PLAAT5: variants seen among roughly 807,000 people sequenced by gnomAD.
PLAAT5 encodes Ca(2+)-independent N-acyltransferase.
In PLAAT5, 27 loss-of-function variants were observed where a neutral mutation model predicts 27.8. That is an observed-to-expected ratio of 0.97 (90% CI 0.72 to 1.34). The LOEUF (loss-of-function observed/expected upper bound fraction) is 1.34, where lower values mean the gene tolerates loss of function less well. PLAAT5 is among the 40% of genes most tolerant of loss of function. The pLI is 0.00. For missense variants in PLAAT5, 368 were observed against 343.8 expected (o/e 1.07, Z -0.56); for synonymous variants, 125 against 136.1 (o/e 0.92, Z 0.57).
chr11:63,465,970 A>C (rs2015849984), intron 5 of PLAAT5, 140 bp downstream of exon 5: 1 of 893,430 alleles, frequency 1.1e-6, no homozygotes, highest in African/African-American at 1.7e-5. Flanking sequence ...CTGAACCATA[A>C]AGTCCTGCAG....
rs780611461 is a variant in PLAAT5, at chr11:63,466,115, G to A, written c.712C>T (p.Gln238Ter). 3.8e-5 allele frequency: 61 copies of A among 1,613,528 alleles called. 2 individuals are homozygous for A. The Admixed American group carries it at 9.7e-4, about 26-fold the overall frequency. ...NGLRYGVPRS[Q>*]QVEHALMEGA... Reference sequence around the variant, plus strand: ...CAGAGCAAATGGGGTCACACCTGCTGGCTCCGGGGTACGCCATATCTGAGG... The same window carrying A: ...CAGAGCAAATGGGGTCACACCTGCTAGCTCCGGGGTACGCCATATCTGAGG... Residue 238 changes from glutamine (Q) to a stop codon, truncating the protein, a stop_gained, in exon 5 of 6, where the codon CAG becomes TAG. Transcript: ENST00000540857. LOFTEE classifies it high-confidence loss of function.
At chr11:63,478,339 T>C (rs77122481) in intron 3 of PLAAT5, among the ~76,000 whole-genome samples, 2 of 151,834 alleles carry the variant, frequency 1.3e-5, no homozygotes, top group African/African-American at 4.8e-5. Context: ...TTTTTTTTTT[T>C]AGACGGAGTC....
At chr11:63,469,251 C>A in intron 3 of PLAAT5, 2 of 184,648 alleles carry the variant, frequency 1.1e-5, no homozygotes, top group South Asian at 1.1e-4. Flanking sequence ...TTGACCAGAG[C>A]TCCAGGTTGC....
chr11:63,483,667 A>T (rs2016339360), intron 3 of PLAAT5, among the ~76,000 whole-genome samples: 1 of 147,956 alleles, frequency 6.8e-6, no homozygotes, highest in South Asian at 2.1e-4. Context: ...AAAAAAAAAA[A>T]ATCTAAGGTT....
intron 3 of PLAAT5, among the ~76,000 whole-genome samples, chr11:63,487,903 T>G (rs939884808): frequency 6.6e-6 from 1 of 152,222 alleles, no homozygotes; most frequent in Non-Finnish European, 1.5e-5. Flanking sequence ...CCCAACACTT[T>G]GGGAAGCCGA....
Position 63,491,133 on chromosome 11 carries a change from G to T in PLAAT5, c.-99C>A. The T allele has an allele frequency of 9.0e-7, 1 of 1,113,480 alleles. No individual in the cohort carries two copies. Among genetic ancestry groups the T allele is most frequent in the Non-Finnish European group, 1.2e-6 (1 of 848,180 alleles). The allele number at this position is 1,113,480 out of a possible 1,614,324, so 69.0% of individuals were successfully genotyped here. On this transcript the variant is annotated 5_prime_UTR_variant, in exon 1 of 6. Transcript: ENST00000540857. ...GCCCCTGGTCGGCGGAGCCGCGGAAGCTTGGGCACTGGGGGCGGCTCGGGG... is the reference window on the plus strand; with the variant it reads ...GCCCCTGGTCGGCGGAGCCGCGGAATCTTGGGCACTGGGGGCGGCTCGGGG...
intron 3 of PLAAT5, among the ~76,000 whole-genome samples, chr11:63,480,373 A>C (rs1328556739): frequency 6.6e-6 from 1 of 152,232 alleles, no homozygotes. Context: ...GGTACAGAAA[A>C]CAGAAGGCTC....
At chr11:63,474,699 CT>C (rs928374024) in intron 3 of PLAAT5, among the ~76,000 whole-genome samples, 1 of 151,574 alleles carries the variant, frequency 6.6e-6, no homozygotes, top group African/African-American at 2.4e-5. Flanking sequence ...CTTACTTCTG[CT>C]TGTTTTGGTT....
At position 63,463,439 on chromosome 11, in the gene PLAAT5, G is replaced by A; in HGVS notation, c.*64C>T. 1.6e-6 allele frequency: 2 copies of A among 1,243,722 alleles called. No homozygotes were observed. The highest frequency in any genetic ancestry group is 2.4e-6 in the Non-Finnish European group (2 of 848,342). 77.0% of individuals were successfully genotyped at this position (1,243,722 alleles called of 1,614,324 possible). On this transcript the variant is annotated 3_prime_UTR_variant, in exon 6 of 6. Coordinates refer to ENST00000540857, the MANE Select transcript of PLAAT5 (RefSeq NM_001146729.2). ...TCGGAGCCATTGAGAGAAGGCAAGG[G>A]AAGGAAGCATGTTCTTTTTGCTTGT...
At chr11:63,474,843 T>C (rs2016115462) in intron 3 of PLAAT5, among the ~76,000 whole-genome samples, 1 of 152,058 alleles carries the variant, frequency 6.6e-6, no homozygotes, top group Non-Finnish European at 1.5e-5. Flanking sequence ...TCTCATAAAA[T>C]TGATATGTTC....
At chr11:63,466,075 G>A in intron 5 of PLAAT5, 35 bp downstream of exon 5, 1 of 1,598,192 alleles carries the variant, frequency 6.3e-7, no homozygotes, top group Non-Finnish European at 8.5e-7. Flanking sequence ...AGAAAGCTCT[G>A]GAAGAAGCCA....
rs926072737 is a variant in PLAAT5 at position 63,462,265 on chromosome 11, T to C, written c.*1238A>G. ...TGAATAGAGACTGAAGGAAGAGGTA[T>C]TGGGAACTCAACTGATTCTCAGGCA... On this transcript the variant is annotated 3_prime_UTR_variant, in exon 6 of 6. Transcript: ENST00000540857. The C allele has an allele frequency of 4.6e-5, 7 of 152,278 alleles. No individual in the cohort carries two copies. The East Asian group carries it at 1.2e-3, about 25-fold the overall frequency. The allele number at this position is 152,278 out of a possible 1,614,324, so 9.4% of individuals were successfully genotyped here.
intron 3 of PLAAT5, among the ~76,000 whole-genome samples, chr11:63,469,145 T>TGAGAGAGAGA (rs1555025561): frequency 1.9e-4 from 23 of 122,714 alleles, no homozygotes; most frequent in African/African-American, 6.8e-4. Flanking sequence ...TGTGTGTGTG[T>TGAGAGAGAGA]GAGAGAGAGA....
intron 3 of PLAAT5, among the ~76,000 whole-genome samples, chr11:63,481,771 C>A (rs1033145258): frequency 6.6e-6 from 1 of 152,088 alleles, no homozygotes; most frequent in Non-Finnish European, 1.5e-5. Flanking sequence ...ATGGATGAAG[C>A]TGGAAACCAT....
At chr11:63,485,831 A>G (rs1472292162) in intron 3 of PLAAT5, among the ~76,000 whole-genome samples, 2 of 152,246 alleles carry the variant, frequency 1.3e-5, no homozygotes, top group Non-Finnish European at 2.9e-5. Context: ...AAGCAGAGTA[A>G]ACGGACAACC....
At chr11:63,477,748 C>T (rs1042265910) in intron 3 of PLAAT5, among the ~76,000 whole-genome samples, 1 of 152,186 alleles carries the variant, frequency 6.6e-6, no homozygotes, top group African/African-American at 2.4e-5. Context: ...GCTGGGATTA[C>T]AGGCGTGAGC....
intron 3 of PLAAT5, among the ~76,000 whole-genome samples, chr11:63,472,390 C>T (rs2016050110): frequency 6.6e-6 from 1 of 152,164 alleles, no homozygotes; most frequent in Admixed American, 6.5e-5. Flanking sequence ...TATGGAGGCA[C>T]CACATTTTGC....
Position 63,490,309 on chromosome 11 carries a change from A to G in PLAAT5, c.173T>C (p.Leu58Ser), listed in dbSNP as rs753687897. The G allele has an allele frequency of 6.2e-7, 1 of 1,614,080 alleles. No homozygotes were observed. Among genetic ancestry groups the G allele is most frequent in the African/African-American group, 1.3e-5 (1 of 74,930 alleles). Reference sequence around the variant, plus strand: ...AGGCTGCTTGGCTGGGAGCTGGACCAACGCTGCGAATCCCACGGATTCTTC... The same window carrying G: ...AGGCTGCTTGGCTGGGAGCTGGACCGACGCTGCGAATCCCACGGATTCTTC... ...HSEESVGFAA[L>S]VQLPAKQPPP... The change falls in exon 2 of 6, where the codon TTG (leucine) becomes TCG (serine). Residue 58 changes from leucine to serine, a missense_variant. Leu to Ser is a moderately radical substitution (Grantham distance 145). Transcript: ENST00000540857.
intron 5 of PLAAT5, among the ~76,000 whole-genome samples, chr11:63,465,838 T>C (rs532315722): frequency 6.6e-6 from 1 of 152,190 alleles, no homozygotes; most frequent in East Asian, 1.9e-4. Context: ...TTCAGAAATA[T>C]ACTGATTTGA....
Sources: allele counts gnomAD v4.1 joint callset (sites outside exome capture counted in the v4.1 genomes callset), GRCh38; gene constraint gnomAD v4.1.1; transcripts MANE v1.5; gene names NCBI Gene and HGNC (gene_info 2026-07-23, HGNC 2026-07-21).